HLCS: variants seen among roughly 807,000 people sequenced by gnomAD.
HLCS encodes the protein biotin--protein ligase.
In HLCS, 53 loss-of-function variants were observed where a neutral mutation model predicts 75.0. The ratio of observed to expected loss-of-function variants is 0.71; its 90% CI spans 0.57 to 0.89. The LOEUF is 0.89. HLCS is among the 40% of genes least tolerant of loss of function. The pLI is 0.00. For synonymous variants in HLCS, 431 were observed against 428.6 expected (o/e 1.01, Z -0.07); for missense variants, 966 against 1,074.0 (o/e 0.90, Z 1.41).
intron 6 of HLCS, among the ~76,000 whole-genome samples, chr21:36,884,012 T>A (rs2064342220): frequency 6.6e-6 from 1 of 152,144 alleles, no homozygotes; most frequent in Non-Finnish European, 1.5e-5. Context: ...AGGCCTTGAG[T>A]CAACACATTT....
At chr21:36,825,960 G>C (rs1380249165) in intron 6 of HLCS, among the ~76,000 whole-genome samples, 2 of 152,098 alleles carry the variant, frequency 1.3e-5, no homozygotes, top group Non-Finnish European at 2.9e-5. Flanking sequence ...CAACAACCAA[G>C]GAATAGACCC....
intron 1 of HLCS, among the ~76,000 whole-genome samples, chr21:36,981,321 C>T (rs183086781): frequency 3.0e-4 from 46 of 152,074 alleles, no homozygotes; most frequent in Admixed American, 5.2e-4. Flanking sequence ...GGATTTCTTT[C>T]CCCATGTTAC....
chr21:36,888,152 G>A (rs1422494045), intron 6 of HLCS, among the ~76,000 whole-genome samples: 2 of 151,856 alleles, frequency 1.3e-5, no homozygotes, highest in African/African-American at 4.8e-5. Context: ...ATTAGGATCC[G>A]GCTGTTTCTC....
At chr21:36,941,859 T>C (rs1328421957) in intron 2 of HLCS, among the ~76,000 whole-genome samples, 1 of 152,032 alleles carries the variant, frequency 6.6e-6, no homozygotes, top group Non-Finnish European at 1.5e-5. Context: ...TACAAAAAAT[T>C]AGCTGGGCGT....
intron 2 of HLCS, among the ~76,000 whole-genome samples, chr21:36,957,807 C>T (rs7509886): frequency 0.61 from 92,592 of 150,724 alleles, 28,686 homozygotes; most frequent in East Asian, 0.75. Context: ...CACGCGCCTG[C>T]AGTCCCAGCT....
In HLCS at chr21:36,754,232, G is replaced by T; in HGVS notation, c.*14C>A. 6.2e-7 allele frequency: 1 copy of T among 1,613,154 alleles called. No homozygotes were observed. The highest frequency in any genetic ancestry group is 8.5e-7 in the Non-Finnish European group (1 of 1,179,674). ...GGGCACGGACAGGCAGCCGCGTCTCGGGGACGCCCGGCATTACCGCCGTTT... is the reference window on the plus strand; with the variant it reads ...GGGCACGGACAGGCAGCCGCGTCTCTGGGACGCCCGGCATTACCGCCGTTT... On this transcript the variant is annotated 3_prime_UTR_variant, in exon 11 of 11. Coordinates refer to ENST00000674895, the MANE Select transcript of HLCS (RefSeq NM_001352514.2).
chr21:36,938,115 G>A (rs376169074), intron 3 of HLCS, among the ~76,000 whole-genome samples: 1 of 152,122 alleles, frequency 6.6e-6, no homozygotes, highest in African/African-American at 2.4e-5. Flanking sequence ...AAAACGATTT[G>A]TCCCAAGAAA....
chr21:36,951,382 A>G (rs1405898439), intron 2 of HLCS, among the ~76,000 whole-genome samples: 4 of 152,112 alleles, frequency 2.6e-5, no homozygotes, highest in African/African-American at 7.2e-5. Flanking sequence ...ATGCTGTTCT[A>G]CCTGGGAAGT....
intron 2 of HLCS, among the ~76,000 whole-genome samples, chr21:36,951,528 A>G (rs1164395078): frequency 6.6e-6 from 1 of 152,160 alleles, no homozygotes; most frequent in Non-Finnish European, 1.5e-5. Flanking sequence ...TAACATGGTG[A>G]CCTTTAATTG....
intron 5 of HLCS, among the ~76,000 whole-genome samples, chr21:36,913,603 A>G (rs368399554): frequency 5.3e-5 from 8 of 152,262 alleles, no homozygotes; most frequent in East Asian, 3.9e-4. Context: ...TCTACTAAAA[A>G]TACAAAAATT....
intron 4 of HLCS, among the ~76,000 whole-genome samples, chr21:36,932,683 G>A (rs186963604): frequency 1.9e-4 from 29 of 152,258 alleles, no homozygotes; most frequent in African/African-American, 6.7e-4. Context: ...TTTTGTTTCA[G>A]CTTTGCCTAC....
rs192166050 is a variant in HLCS, at chr21:36,827,808, T to C, written c.1893-60523A>G. Among the ~76,000 whole-genome samples the C allele has an allele frequency of 4.2e-3, 569 of 134,266 alleles. 4 individuals carry two copies. The highest frequency in any genetic ancestry group is 0.016 in the African/African-American group (548 of 34,190). The allele number at this position is 134,266 out of a possible 152,430, so 88.1% of individuals were successfully genotyped here. Reference sequence around the variant, plus strand: ...ACTCAGTGGTAAGTATTTTTCTTTTTCTTTCTTTCTTTTTTTTTTTTTTGA... The same window carrying C: ...ACTCAGTGGTAAGTATTTTTCTTTTCCTTTCTTTCTTTTTTTTTTTTTTGA... On this transcript the variant is annotated intron_variant, in intron 6 of 10. Transcript: ENST00000674895.
At chr21:36,919,808 G>A (rs1413103991) in intron 5 of HLCS, among the ~76,000 whole-genome samples, 1 of 152,170 alleles carries the variant, frequency 6.6e-6, no homozygotes, top group African/African-American at 2.4e-5. Context: ...CTGTGAAGAT[G>A]TATCTATGAT....
chr21:36,802,590 T>G (rs1012458419), intron 6 of HLCS, among the ~76,000 whole-genome samples: 1 of 152,184 alleles, frequency 6.6e-6, no homozygotes, highest in African/African-American at 2.4e-5. Context: ...GAGAAGTCAT[T>G]TAGCATCCAA....
Position 36,779,290 on chromosome 21 carries a change from T to C in HLCS, c.1893-12005A>G, listed in dbSNP as rs563143582. On this transcript the variant is annotated intron_variant, in intron 6 of 10. Coordinates refer to ENST00000674895, the MANE Select transcript of HLCS (RefSeq NM_001352514.2). ...AACTGTATTTCCTTCCGTCCATCCA[T>C]CCCTCCCTCCTTCCTTCCTTCCCTC... 3.6e-4 allele frequency among the ~76,000 whole-genome samples: 54 copies of C among 151,988 alleles called. 1 individual carries two copies. The highest frequency in any genetic ancestry group is 3.5e-3 in the South Asian group (17 of 4,818).
At chr21:36,960,139 C>CCCG (rs1555970582) in intron 2 of HLCS, among the ~76,000 whole-genome samples, 6 of 112,168 alleles carry the variant, frequency 5.3e-5, no homozygotes, top group African/African-American at 2.0e-4. Flanking sequence ...CCACCCCCCC[C>CCCG]CCCCCCGACC....
At chr21:36,894,123 G>A (rs906303641) in intron 6 of HLCS, among the ~76,000 whole-genome samples, 1 of 152,084 alleles carries the variant, frequency 6.6e-6, no homozygotes, top group Non-Finnish European at 1.5e-5. Flanking sequence ...AAAAGTGTGT[G>A]ACACCACCCC....
Position 36,832,351 on chromosome 21 carries a change from G to C in HLCS, c.1892+64509C>G, listed in dbSNP as rs2062241674. 1.3e-5 allele frequency among the ~76,000 whole-genome samples: 2 copies of C among 152,168 alleles called. 1 individual carries two copies. The highest frequency in any genetic ancestry group is 4.1e-4 in the South Asian group (2 of 4,822). On this transcript the variant is annotated intron_variant, in intron 6 of 10. Transcript: ENST00000674895. Reference sequence around the variant, plus strand: ...TCAGCAGGTGAAATTACACAGCACAGAGAATCTCGATGAAGATTCTAATAT... The same window carrying C: ...TCAGCAGGTGAAATTACACAGCACACAGAATCTCGATGAAGATTCTAATAT...
rs1331471498 is a variant in HLCS at position 36,877,303 on chromosome 21, T to TC, written c.1892+19556dup. ...TTTGGTTAATTTTTATTTTTTTCTC[T>TC]CTTTTTTTTGTGTGTGTTTCTAGTC... On this transcript the variant is annotated intron_variant, in intron 6 of 10. Coordinates refer to ENST00000674895, the MANE Select transcript of HLCS (RefSeq NM_001352514.2). Among the ~76,000 whole-genome samples, 5 of 152,092 alleles carry TC rather than the reference T, an allele frequency of 3.3e-5. No individual in the cohort carries two copies. In the East Asian group the frequency reaches 9.6e-4, roughly 29 times the overall value.
Sources: allele counts gnomAD v4.1 joint callset (sites outside exome capture counted in the v4.1 genomes callset), GRCh38; gene constraint gnomAD v4.1.1; transcripts MANE v1.5; gene names NCBI Gene and HGNC (gene_info 2026-07-23, HGNC 2026-07-21).